The following CALCRL variants were observed in gnomAD, a reference collection of about 807,000 sequenced individuals.
The protein encoded by CALCRL is calcitonin gene-related peptide type 1 receptor.
A neutral mutation model predicts 60.4 loss-of-function variants in CALCRL; 27 were observed. That is an observed-to-expected ratio of 0.45 (90% confidence interval 0.33 to 0.62). The LOEUF (loss-of-function observed/expected upper bound fraction) is 0.62. CALCRL is among the 20% of genes least tolerant of loss of function. The pLI is 0.03. For synonymous variants in CALCRL, 190 were observed against 182.6 expected (o/e 1.04, Z -0.33); for missense variants, 424 against 540.7 (o/e 0.78, Z 2.14).
rs531632278 is a variant in CALCRL at position 187,382,762 on chromosome 2, G to A, written c.184+411C>T. 5.3e-5 allele frequency among the ~76,000 whole-genome samples: 8 copies of A among 151,976 alleles called. No homozygotes were observed. The South Asian group carries it at 1.7e-3, about 32-fold the overall frequency. On this transcript the variant is annotated intron_variant, in intron 5 of 14. Coordinates refer to ENST00000392370, the MANE Select transcript of CALCRL (RefSeq NM_005795.6). ...TTTGCCACCAAATGTACTATGCAAAGTGTGTGTGTTATGAAAAACAACACT... is the reference window on the plus strand; with the variant it reads ...TTTGCCACCAAATGTACTATGCAAAATGTGTGTGTTATGAAAAACAACACT...
At chr2:187,435,860 T>TCG (rs1553516601) in intron 1 of CALCRL, among the ~76,000 whole-genome samples, 44 of 72,942 alleles carry the variant, frequency 6.0e-4, no homozygotes, top group African/African-American at 2.0e-3. Context: ...GTGTGTGTGT[T>TCG]TGTGCGTGCG....
At chr2:187,434,871 C>T (rs1690564052) in intron 1 of CALCRL, among the ~76,000 whole-genome samples, 4 of 152,080 alleles carry the variant, frequency 2.6e-5, no homozygotes, top group Admixed American at 6.6e-5. Context: ...CAAGATAACT[C>T]CACTTTCATT....
At chr2:187,360,789 A>G (rs754022658) in intron 9 of CALCRL, 38 bp from the exon 10 acceptor site, 82 of 1,565,460 alleles carry the variant, frequency 5.2e-5, no homozygotes, top group Non-Finnish European at 8.6e-7. Flanking sequence ...TTACTTGTTT[A>G]TGAATTCACA....
chr2:187,396,294 T>C (rs1305540053), intron 1 of CALCRL, among the ~76,000 whole-genome samples: 4 of 151,892 alleles, frequency 2.6e-5, no homozygotes, highest in Admixed American at 2.0e-4. Context: ...TCTAGTTCTC[T>C]CTTCTCCACT....
At chr2:187,413,020 A>G (rs148342734) in intron 1 of CALCRL, among the ~76,000 whole-genome samples, 2 of 152,346 alleles carry the variant, frequency 1.3e-5, no homozygotes, top group East Asian at 3.9e-4. Context: ...TGTGAGGAAG[A>G]CAACATAAGC....
chr2:187,373,979 A>G (rs556718375), intron 8 of CALCRL, among the ~76,000 whole-genome samples: 3 of 151,984 alleles, frequency 2.0e-5, no homozygotes, highest in Non-Finnish European at 4.4e-5. Context: ...TGGGCAATAT[A>G]ATCAAACCCT....
chr2:187,353,245 T>C (rs1313549979), intron 12 of CALCRL, among the ~76,000 whole-genome samples: 8 of 151,944 alleles, frequency 5.3e-5, no homozygotes, highest in Non-Finnish European at 1.2e-4. Flanking sequence ...CCTTATGCCT[T>C]CCATAGAATC....
intron 1 of CALCRL, among the ~76,000 whole-genome samples, chr2:187,408,172 C>G (rs1689213197): frequency 6.6e-6 from 1 of 151,682 alleles, no homozygotes; most frequent in African/African-American, 2.4e-5. Context: ...GTATTGAAAG[C>G]CAAAGTTAAA....
chr2:187,392,746 C>G (rs1485072245), intron 1 of CALCRL, among the ~76,000 whole-genome samples: 1 of 151,934 alleles, frequency 6.6e-6, no homozygotes, highest in Admixed American at 6.6e-5. Context: ...TCACTCTGCC[C>G]CAGCTGAAGT....
intron 1 of CALCRL, among the ~76,000 whole-genome samples, chr2:187,431,115 C>T (rs939769971): frequency 7.2e-5 from 11 of 152,084 alleles, no homozygotes; most frequent in Admixed American, 1.3e-4. Flanking sequence ...TCCATAATTC[C>T]ATCTTTATTA....
At chr2:187,411,228 C>T (rs1464511459) in intron 1 of CALCRL, among the ~76,000 whole-genome samples, 1 of 151,804 alleles carries the variant, frequency 6.6e-6, no homozygotes, top group Admixed American at 6.6e-5. Flanking sequence ...TTAATATAAA[C>T]TCTATCAAAA....
At chr2:187,369,568 G>T (rs1687436071) in intron 8 of CALCRL, among the ~76,000 whole-genome samples, 1 of 152,144 alleles carries the variant, frequency 6.6e-6, no homozygotes, top group Admixed American at 6.5e-5. Flanking sequence ...TAAGGCTTCT[G>T]ACTACTTTAT....
intron 1 of CALCRL, among the ~76,000 whole-genome samples, chr2:187,423,577 G>A (rs1028524705): frequency 1.3e-5 from 2 of 151,656 alleles, no homozygotes; most frequent in Admixed American, 1.3e-4. Context: ...CTTACTCTTG[G>A]ATGGCAAAAT....
chr2:187,395,164 G>T (rs1320599773), intron 1 of CALCRL, among the ~76,000 whole-genome samples: 1 of 152,116 alleles, frequency 6.6e-6, no homozygotes, highest in East Asian at 1.9e-4. Flanking sequence ...AAGATGCTTA[G>T]GTCTGACTCC....
At chr2:187,438,027 A>G (rs544790973) in intron 1 of CALCRL, among the ~76,000 whole-genome samples, 73 of 152,304 alleles carry the variant, frequency 4.8e-4, no homozygotes, top group Middle Eastern at 6.9e-3. Context: ...ACTGAATGAC[A>G]TACATATTTG....
intron 1 of CALCRL, among the ~76,000 whole-genome samples, chr2:187,406,435 T>A (rs1025780991): frequency 6.6e-6 from 1 of 151,938 alleles, no homozygotes; most frequent in African/African-American, 2.4e-5. Flanking sequence ...TCTACTAAAA[T>A]CGTCATCATA....
intron 3 of CALCRL, among the ~76,000 whole-genome samples, chr2:187,386,655 G>A (rs905908620): frequency 2.0e-5 from 3 of 151,966 alleles, no homozygotes; most frequent in African/African-American, 7.3e-5. Flanking sequence ...TACACCCTGT[G>A]AAGTCCAGGA....
intron 1 of CALCRL, among the ~76,000 whole-genome samples, chr2:187,410,471 G>C (rs948040865): frequency 1.3e-5 from 2 of 152,154 alleles, no homozygotes; most frequent in Non-Finnish European, 2.9e-5. Flanking sequence ...GAAATATGCA[G>C]GTGAGGGAGC....
At position 187,424,107 on chromosome 2, in the gene CALCRL, C is replaced by T. The variant is rs376041126; in HGVS notation, c.-293+23932G>A. ...TTTGGAAGGAGTTTCAAATTCCCAT[C>T]TGGAGATAGGTGTCATATAAAACAG... On this transcript the variant is annotated intron_variant, in intron 1 of 14. Coordinates refer to ENST00000392370, the MANE Select transcript of CALCRL (RefSeq NM_005795.6). 1.7e-4 allele frequency among the ~76,000 whole-genome samples: 26 copies of T among 152,118 alleles called. 2 individuals carry two copies. The highest frequency in any genetic ancestry group is 8.5e-4 in the Admixed American group (13 of 15,268).
Sources: allele counts gnomAD v4.1 joint callset (sites outside exome capture counted in the v4.1 genomes callset), GRCh38; gene constraint gnomAD v4.1.1; transcripts MANE v1.5; gene names NCBI Gene and HGNC (gene_info 2026-07-23, HGNC 2026-07-21).